The following SYNDIG1L variants were observed in gnomAD, a reference collection of about 807,000 sequenced individuals.
SYNDIG1L encodes the protein synapse differentiation inducing 1 like, also known as synapse differentiation-inducing gene protein 1-like.
SYNDIG1L carries 13 observed loss-of-function variants against 20.1 expected under a neutral mutation model. The ratio of observed to expected loss-of-function variants is 0.65; its 90% confidence interval spans 0.42 to 1.03. The LOEUF (loss-of-function observed/expected upper bound fraction) is 1.03, where lower values mean the gene tolerates loss of function less well. Among genes scored for constraint, SYNDIG1L ranks in the 50% least tolerant of loss-of-function variants. The probability of loss-of-function intolerance (pLI) is 0.00; values close to 1 mark genes in which losing one functional copy is unlikely to be tolerated. For missense variants in SYNDIG1L, 294 were observed against 305.1 expected (o/e 0.96, Z 0.27); for synonymous variants, 128 against 129.3 (o/e 0.99, Z 0.07).
the SYNDIG1L span, chr14:74,476,517 T>C: frequency 6.5e-7 from 1 of 1,535,508 alleles, no homozygotes; most frequent in Non-Finnish European, 8.7e-7. Flanking sequence ...AGGCTCTTAG[T>C]CTCCATTTGC....
intron 1 of SYNDIG1L, among the ~76,000 whole-genome samples, chr14:74,425,291 T>C (rs1367814237): frequency 1.3e-5 from 2 of 152,338 alleles, no homozygotes; most frequent in Middle Eastern, 3.4e-3. Context: ...CGCCAAGAGA[T>C]GTGATGCAAA....
intron 1 of SYNDIG1L, among the ~76,000 whole-genome samples, chr14:74,411,969 A>G (rs2086134473): frequency 6.6e-6 from 1 of 152,190 alleles, no homozygotes; most frequent in African/African-American, 2.4e-5. Context: ...CTGCTGATGC[A>G]TTAACCAGAG....
In SYNDIG1L at chr14:74,406,306, T is replaced by C. The variant is rs2086078951; in HGVS notation, c.*1229A>G. 2.6e-6 allele frequency: 1 copy of C among 386,228 alleles called. No homozygotes were observed. Among genetic ancestry groups the C allele is most frequent in the South Asian group, 1.5e-4 (1 of 6,892 alleles). The allele number at this position is 386,228 out of a possible 1,614,324, so 23.9% of individuals were successfully genotyped here. A position where few individuals can be genotyped will look rare whatever the true frequency, so the allele number is the denominator to read the frequency against. ...AGAGATGGGAAAACATCATTGGTCT[T>C]TGAGAGACAGGTGTGACGTTCCTCC... On this transcript the variant is annotated 3_prime_UTR_variant, in exon 4 of 4. Coordinates refer to ENST00000331628, the MANE Select transcript of SYNDIG1L (RefSeq NM_001105579.2).
Position 74,407,646 on chromosome 14 carries a change from G to A in SYNDIG1L, c.606C>T (p.Thr202=). ...TGGCTAGGAAGAGGGCCCGGCGGGA[G>A]GTGGTGCTGGCCAGGCGGAAGTCCC... ...SKGDFRLAST[T]SRRALFLATL... is the part of the protein sequence containing the mutation. Residue 202 remains threonine, a synonymous_variant, in exon 4 of 4, where the codon ACC becomes ACT. Transcript: ENST00000331628. The A allele has an allele frequency of 6.2e-7, 1 of 1,613,720 alleles. No individual in the cohort carries two copies. The highest frequency in any genetic ancestry group is 8.5e-7 in the Non-Finnish European group (1 of 1,179,830).
the SYNDIG1L span, among the ~76,000 whole-genome samples, chr14:74,464,877 A>AT: frequency 6.6e-6 from 1 of 152,170 alleles, no homozygotes; most frequent in African/African-American, 2.4e-5. Flanking sequence ...TAATAGCCTC[A>AT]TTATTATTCT....
At chr14:74,456,152 C>G in the SYNDIG1L span, among the ~76,000 whole-genome samples, 2 of 152,192 alleles carry the variant, frequency 1.3e-5, no homozygotes, top group African/African-American at 4.8e-5. Context: ...TTGCTGCCAG[C>G]AGCTGTGTGC....
At chr14:74,457,745 A>G in the SYNDIG1L span, among the ~76,000 whole-genome samples, 1 of 151,868 alleles carries the variant, frequency 6.6e-6, no homozygotes, top group African/African-American at 2.4e-5. Context: ...CCTCTCTCCA[A>G]AGCTTATTAG....
At chr14:74,422,688 C>CTTTT (rs1041626717) in intron 1 of SYNDIG1L, among the ~76,000 whole-genome samples, 1 of 148,686 alleles carries the variant, frequency 6.7e-6, no homozygotes, top group Non-Finnish European at 1.5e-5. Flanking sequence ...CACAATTTCT[C>CTTTT]TTTTTTTTCT....
At chr14:74,455,170 A>G in the SYNDIG1L span, among the ~76,000 whole-genome samples, 1 of 152,192 alleles carries the variant, frequency 6.6e-6, no homozygotes, top group Non-Finnish European at 1.5e-5. Flanking sequence ...AGCCTTCACA[A>G]CCACGTGAAC....
the SYNDIG1L span, among the ~76,000 whole-genome samples, chr14:74,434,519 G>C: frequency 1.3e-5 from 2 of 152,190 alleles, no homozygotes; most frequent in East Asian, 3.9e-4. Flanking sequence ...CACAGTGGAG[G>C]GGGAGAAAGA....
At chr14:74,430,517 C>A (rs1168874900), upstream of SYNDIG1L, among the ~76,000 whole-genome samples, 1 of 150,456 alleles carries the variant, frequency 6.6e-6, no homozygotes, top group Non-Finnish European at 1.5e-5. Context: ...CTCACTGCAA[C>A]CTCCGCCTCC....
chr14:74,422,336 G>T (rs952970343), intron 1 of SYNDIG1L, among the ~76,000 whole-genome samples: 4 of 152,084 alleles, frequency 2.6e-5, no homozygotes, highest in African/African-American at 9.7e-5. Flanking sequence ...GTGTCCCCTG[G>T]CTTGCAGCAG....
chr14:74,467,017 G>A, the SYNDIG1L span, among the ~76,000 whole-genome samples: 1 of 152,186 alleles, frequency 6.6e-6, no homozygotes, highest in Non-Finnish European at 1.5e-5. Context: ...CATGTTGACT[G>A]CAGAATGTTT....
upstream of SYNDIG1L, among the ~76,000 whole-genome samples, chr14:74,431,037 T>C (rs146103977): frequency 6.9e-3 from 1,047 of 152,330 alleles, 6 homozygotes; most frequent in Non-Finnish European, 0.012. Context: ...TCCTGCCTTC[T>C]TCCTGCCCTT....
the SYNDIG1L span, chr14:74,480,064 T>G: frequency 1.3e-6 from 2 of 1,519,678 alleles, no homozygotes; most frequent in Non-Finnish European, 1.8e-6. Context: ...CTGCATTTAA[T>G]GAAACCACCT....
the SYNDIG1L span, among the ~76,000 whole-genome samples, chr14:74,461,168 G>A: frequency 6.6e-6 from 1 of 151,452 alleles, no homozygotes; most frequent in East Asian, 1.9e-4. Flanking sequence ...GGCTGGTCTC[G>A]AACTTCTGAT....
At chr14:74,426,927 C>T (rs1595201358), upstream of SYNDIG1L, among the ~76,000 whole-genome samples, 1 of 152,104 alleles carries the variant, frequency 6.6e-6, no homozygotes, top group African/African-American at 2.4e-5. Flanking sequence ...TCAGGTTCCT[C>T]ATGGACAAAG....
At chr14:74,407,765 CT>C (rs1191946801) in intron 3 of SYNDIG1L, 72 bp from the exon 4 acceptor site, 4 of 1,576,328 alleles carry the variant, frequency 2.5e-6, no homozygotes, top group African/African-American at 1.3e-5. Context: ...TGCCAGGCCC[CT>C]GACCCCATCC....
At chr14:74,422,456 T>C (rs2086229805) in intron 1 of SYNDIG1L, among the ~76,000 whole-genome samples, 1 of 152,092 alleles carries the variant, frequency 6.6e-6, no homozygotes, top group East Asian at 1.9e-4. Flanking sequence ...CTGAAGGCTG[T>C]TCCTCCTGCT....
Sources: allele counts gnomAD v4.1 joint callset (sites outside exome capture counted in the v4.1 genomes callset), GRCh38; gene constraint gnomAD v4.1.1; transcripts MANE v1.5; gene names NCBI Gene and HGNC (gene_info 2026-07-23, HGNC 2026-07-21).